TLCD3A: variants seen among roughly 807,000 people sequenced by gnomAD.
The protein encoded by TLCD3A is TLC domain-containing protein 3A.
A neutral mutation model predicts 29.9 loss-of-function variants in TLCD3A; 17 were observed. The ratio of observed to expected loss-of-function variants is 0.57; its 90% CI spans 0.39 to 0.85. The LOEUF (loss-of-function observed/expected upper bound fraction) is 0.85, where lower values mean the gene tolerates loss of function less well. Ranked by LOEUF, TLCD3A falls within the 40% of genes least tolerant of loss-of-function variation. TLCD3A has a pLI of 0.00. For missense variants in TLCD3A, 332 were observed against 350.8 expected (o/e 0.95, Z 0.43); for synonymous variants, 143 against 147.7 (o/e 0.97, Z 0.23).
rs1312782024 is a variant in TLCD3A at position 741,544 on chromosome 17, A to G, written c.748A>G (p.Thr250Ala). 4.3e-6 allele frequency: 7 copies of G among 1,613,394 alleles called. No individual in the cohort carries two copies. Among genetic ancestry groups the G allele is most frequent in the Middle Eastern group, 1.6e-4 (1 of 6,084 alleles). Reference sequence around the variant, plus strand: ...CAGGAAGGCAGTCCGGCTCTTTGACACTCCCCAAGCCAAAAAGGATGGCTA... The same window carrying G: ...CAGGAAGGCAGTCCGGCTCTTTGACGCTCCCCAAGCCAAAAAGGATGGCTA... The part of the protein sequence containing the change: ...LCRKAVRLFD[T>A]PQAKKDG Residue 250 changes from threonine to alanine, a missense_variant, in exon 5 of 5, where the codon ACT becomes GCT. By Grantham distance (58) the Thr-to-Ala change is moderately conservative. Coordinates refer to ENST00000308278, the MANE Select transcript of TLCD3A (RefSeq NM_024792.3).
intron 4 of TLCD3A, 150 bp from the exon 5 acceptor site, chr17:741,151 C>G (rs745603147): frequency 2.1e-4 from 152 of 720,894 alleles, no homozygotes; most frequent in Non-Finnish European, 3.1e-4. Context: ...GAAAACTAGA[C>G]AAACGTCTGG....
intron 3 of TLCD3A, among the ~76,000 whole-genome samples, chr17:738,722 A>G (rs1230753470): frequency 6.6e-6 from 1 of 151,914 alleles, no homozygotes; most frequent in Non-Finnish European, 1.5e-5. Context: ...ACAGGCACAC[A>G]CTACAACGTC....
chr17:732,820 A>C lies in TLCD3A; in HGVS notation c.122+51A>C, dbSNP rs780548849. On this transcript the variant is annotated intron_variant, in intron 1 of 4. Coordinates refer to ENST00000308278, the MANE Select transcript of TLCD3A (RefSeq NM_024792.3). ...CGAGGCCCGGGGCGCTGCCCACCGC[A>C]CCCCACCCGGCCGCGGGGCCCAGGG... 19 of 1,397,702 alleles carry C rather than the reference A, an allele frequency of 1.4e-5. No individual in the cohort carries two copies. The South Asian group carries it at 2.4e-4, about 18-fold the overall frequency. 86.6% of individuals were successfully genotyped at this position (1,397,702 alleles called of 1,614,324 possible).
rs778382980 is a variant in TLCD3A at position 741,471 on chromosome 17, C to G, written c.675C>G (p.Ala225=). The change falls in exon 5 of 5, where the codon GCC becomes GCG. Residue 225 remains alanine, a synonymous_variant. Coordinates refer to ENST00000308278, the MANE Select transcript of TLCD3A (RefSeq NM_024792.3). ...GCATCCCATTCTACTGCAACGTGGC[C>G]AATGCCTTCCTCGTAGCTCCTCAGA... ...PFSIPFYCNV[A]NAFLVAPQIY... The G allele has an allele frequency of 1.2e-6, 2 of 1,614,070 alleles. No homozygotes were observed. The highest frequency in any genetic ancestry group is 2.7e-5 in the African/African-American group (2 of 74,922).
chr17:733,928 G>C (rs537848236), intron 2 of TLCD3A, among the ~76,000 whole-genome samples: 2 of 152,154 alleles, frequency 1.3e-5, no homozygotes, highest in Admixed American at 1.3e-4. Context: ...CTCTCCTGTG[G>C]GCTCTGCCAA....
Position 741,322 on chromosome 17 carries a change from C to T in TLCD3A, c.526C>T (p.Leu176=). The stretch of plus-strand genomic sequence containing the variant: ...GCAGCTAAAGCAGCAGCACACCCTT[C>T]TGTACAAGGTGAATGGAATCCTCAC... The part of the protein sequence containing the change: ...LIQLKQQHTL[L]YKVNGILTLA... The change falls in exon 5 of 5, where the codon CTG becomes TTG. Residue 176 remains leucine (L), a synonymous_variant. Coordinates refer to ENST00000308278, the MANE Select transcript of TLCD3A (RefSeq NM_024792.3). 1 of 1,614,174 alleles carries T rather than the reference C, an allele frequency of 6.2e-7. No homozygotes were observed. Among genetic ancestry groups the T allele is most frequent in the Non-Finnish European group, 8.5e-7 (1 of 1,180,024 alleles).
chr17:740,439 T>C, intron 3 of TLCD3A, 66 bp from the exon 4 acceptor site: 1 of 1,227,430 alleles, frequency 8.1e-7, no homozygotes. Flanking sequence ...TAGCCCTCGT[T>C]GGAATTTTCC....
At chr17:736,356 G>A (rs1974153794) in intron 2 of TLCD3A, among the ~76,000 whole-genome samples, 1 of 152,204 alleles carries the variant, frequency 6.6e-6, no homozygotes, top group South Asian at 2.1e-4. Context: ...TCAAACGTTT[G>A]CTGACCATGT....
At position 733,005 on chromosome 17, in the gene TLCD3A, G is replaced by A. The variant is rs757392865; in HGVS notation, c.123-93G>A. The A allele has an allele frequency of 1.2e-5, 18 of 1,465,744 alleles. No homozygotes were observed. In the East Asian group the frequency reaches 3.3e-4, roughly 27 times the overall value. The allele number at this position is 1,465,744 out of a possible 1,614,324, so 90.8% of individuals were successfully genotyped here. ...GAGCCCGCTCCCCACATCTGCCTGC[G>A]GCTGGGGAGAGTCAGGCCGAAGGGC... On this transcript the variant is annotated intron_variant, in intron 1 of 4. Coordinates refer to ENST00000308278, the MANE Select transcript of TLCD3A (RefSeq NM_024792.3).
chr17:738,094 G>GTATTTTT, intron 3 of TLCD3A, 47 bp downstream of exon 3: 314 of 428,036 alleles, frequency 7.3e-4, no homozygotes, highest in Non-Finnish European at 1.0e-3. Flanking sequence ...TGAGCTGGGT[G>GTATTTTT]TCTTTTTTTT....
chr17:742,656 G>T lies in TLCD3A; in HGVS notation c.*1086G>T, dbSNP rs991182109. 2 of 152,484 alleles carry T rather than the reference G, an allele frequency of 1.3e-5. No homozygotes were observed. Among genetic ancestry groups the T allele is most frequent in the East Asian group, 1.9e-4 (1 of 5,194 alleles). 9.4% of individuals were successfully genotyped at this position (152,484 alleles called of 1,614,324 possible). A position where few individuals can be genotyped will look rare whatever the true frequency, so the allele number is the denominator to read the frequency against. On this transcript the variant is annotated 3_prime_UTR_variant, in exon 5 of 5. Coordinates refer to ENST00000308278, the MANE Select transcript of TLCD3A (RefSeq NM_024792.3). ...CTGGCCAGTGGCTGTCCCGTGGACCGACACCTGCGCCCCCTTCTGCAAGCA... is the reference window on the plus strand; with the variant it reads ...CTGGCCAGTGGCTGTCCCGTGGACCTACACCTGCGCCCCCTTCTGCAAGCA...
At chr17:733,033 G>A (rs1974098572) in intron 1 of TLCD3A, 65 bp from the exon 2 acceptor site, 3 of 1,525,674 alleles carry the variant, frequency 2.0e-6, no homozygotes, top group Non-Finnish European at 2.7e-6. Context: ...CGAAGGGCCG[G>A]GCCGGGCTCC....
intron 2 of TLCD3A, among the ~76,000 whole-genome samples, chr17:736,990 T>A (rs1169218801): frequency 1.3e-5 from 2 of 150,868 alleles, no homozygotes; most frequent in African/African-American, 4.9e-5. Flanking sequence ...TGAGATTATC[T>A]CTAGAATTGC....
chr17:738,828 A>C (rs1486760895), intron 3 of TLCD3A, among the ~76,000 whole-genome samples: 1 of 152,010 alleles, frequency 6.6e-6, no homozygotes, highest in African/African-American at 2.4e-5. Context: ...AGGCCTCCCA[A>C]AGTGCTGGGA....
At chr17:740,624 G>C (rs1974235815) in intron 4 of TLCD3A, 24 bp downstream of exon 4, 1 of 1,591,240 alleles carries the variant, frequency 6.3e-7, no homozygotes, top group Non-Finnish European at 8.6e-7. Context: ...AAATGACAGA[G>C]AGTGTGAGGG....
intron 2 of TLCD3A, 127 bp downstream of exon 2, chr17:733,308 C>A (rs1352668613): frequency 1.1e-6 from 1 of 892,498 alleles, no homozygotes; most frequent in Non-Finnish European, 1.7e-6. Flanking sequence ...TGGGCTCCTT[C>A]TTCCTCTCCG....
At position 733,162 on chromosome 17, in the gene TLCD3A, G is replaced by A. The variant is rs2144105001; in HGVS notation, c.187G>A (p.Asp63Asn). Residue 63 changes from aspartate to asparagine, a missense_variant, in exon 2 of 5, where the codon GAC becomes AAC. Transcript: ENST00000308278. ...GGGGATCGTCATCATTCGCTCCTGC[G>A]ACGACGTGATCACCGGCAGGTAAGA... ...GSGIVIIRSCDDVITGRHWLA... is the reference protein window; with the variant it reads ...GSGIVIIRSCNDVITGRHWLA... The A allele has an allele frequency of 6.4e-7, 1 of 1,571,018 alleles. No homozygotes were observed. Among genetic ancestry groups the A allele is most frequent in the Non-Finnish European group, 8.6e-7 (1 of 1,160,708 alleles).
chr17:740,677 G>A (rs1202231921), intron 4 of TLCD3A, 77 bp downstream of exon 4: 1 of 1,440,956 alleles, frequency 6.9e-7, no homozygotes, highest in Non-Finnish European at 9.7e-7. Context: ...GAGAGAGTGA[G>A]GGTTCTGATT....
chr17:733,460 G>C (rs1040863637), intron 2 of TLCD3A, among the ~76,000 whole-genome samples: 21 of 152,226 alleles, frequency 1.4e-4, no homozygotes, highest in African/African-American at 4.3e-4. Context: ...TTACGACTGG[G>C]AGTGTGGCTT....
Sources: gnomAD v4.1 joint callset for allele counts (sites outside exome capture counted in the v4.1 genomes callset) on GRCh38, gnomAD v4.1.1 for gene constraint, MANE v1.5 for transcripts, NCBI Gene and HGNC (gene_info 2026-07-23, HGNC 2026-07-21) for gene names.